Variants in TLN2 observed in about 807,000 individuals in gnomAD.
TLN2 encodes the protein talin-2.
In TLN2, 118 loss-of-function variants were observed where a neutral mutation model predicts 294.7. The observed-to-expected ratio is 0.40, with a 90% CI of 0.34 to 0.47. The LOEUF (loss-of-function observed/expected upper bound fraction) is 0.47. TLN2 is among the 20% of genes least tolerant of loss of function. The pLI is 0.84. For synonymous variants in TLN2, 1,431 were observed against 1,304.5 expected, an observed-to-expected ratio of 1.10 and a Z score of -2.09; for missense variants, 3,083 against 3,282.2, an observed-to-expected ratio of 0.94 and a Z score of 1.48.
chr15:62,794,518 T>C (rs1458765644), intron 46 of TLN2, among the ~76,000 whole-genome samples: 3 of 152,178 alleles, frequency 2.0e-5, no homozygotes, highest in Non-Finnish European at 2.9e-5. Context: ...CCCAGACACA[T>C]ATACAACCCT....
At chr15:62,548,284 T>A (rs2042105765) in intron 1 of TLN2, among the ~76,000 whole-genome samples, 1 of 152,068 alleles carries the variant, frequency 6.6e-6, no homozygotes, top group African/African-American at 2.4e-5. Context: ...AGATGGAGTA[T>A]GTTGGGGACA....
At chr15:62,449,488 C>T (rs968021130) in intron 1 of TLN2, among the ~76,000 whole-genome samples, 1 of 152,162 alleles carries the variant, frequency 6.6e-6, no homozygotes, top group Non-Finnish European at 1.5e-5. Context: ...CAGGACTGCT[C>T]TAGTGTTGAG....
At chr15:62,767,145 A>G (rs2063058089) in intron 41 of TLN2, among the ~76,000 whole-genome samples, 1 of 152,212 alleles carries the variant, frequency 6.6e-6, no homozygotes, top group Admixed American at 6.5e-5. Flanking sequence ...TACAGTAGCC[A>G]AAATCTTCTT....
chr15:62,596,983 C>G (rs1404023752), intron 2 of TLN2, among the ~76,000 whole-genome samples: 2 of 152,086 alleles, frequency 1.3e-5, no homozygotes, highest in African/African-American at 4.8e-5. Flanking sequence ...CTTTGTCAAT[C>G]TTAAAGGCTG....
chr15:62,488,481 C>A (rs2038531602), intron 1 of TLN2, among the ~76,000 whole-genome samples: 1 of 152,182 alleles, frequency 6.6e-6, no homozygotes, highest in African/African-American at 2.4e-5. Flanking sequence ...AATAAAAGTT[C>A]ATCCTTGCAG....
chr15:62,698,972 A>G (rs899453656), intron 16 of TLN2, 105 bp downstream of exon 16: 2 of 1,079,596 alleles, frequency 1.9e-6, no homozygotes, highest in Non-Finnish European at 2.7e-6. Context: ...CTCTAGGTGA[A>G]ATGGAAACCC....
Position 62,587,444 on chromosome 15 carries a change from C to T in TLN2, c.-237-2243C>T, listed in dbSNP as rs543300539. Among the ~76,000 whole-genome samples, 36 of 152,258 alleles carry T rather than the reference C, an allele frequency of 2.4e-4. No homozygotes were observed. In the South Asian group the frequency reaches 3.3e-3, roughly 14 times the overall value. ...ACATCTCTCTGGACATCCAAGAATA[C>T]ACACACACAAATGAATCATACTGCA... On this transcript the variant is annotated intron_variant, in intron 1 of 58. Transcript: ENST00000636159.
chr15:62,652,405 G>T (rs1217221126), intron 6 of TLN2, among the ~76,000 whole-genome samples: 1 of 152,102 alleles, frequency 6.6e-6, no homozygotes, highest in African/African-American at 2.4e-5. Flanking sequence ...TCAGCCTTCT[G>T]CCCATTGCTG....
rs921020536 is a variant in TLN2 at position 62,649,718 on chromosome 15, C to T, written c.137-366C>T. Among the ~76,000 whole-genome samples the T allele has an allele frequency of 5.0e-4, 76 of 152,214 alleles. 1 individual carries two copies. Among genetic ancestry groups the T allele is most frequent in the African/African-American group, 1.7e-3 (71 of 41,552 alleles). On this transcript the variant is annotated intron_variant, in intron 4 of 58. Transcript: ENST00000636159. ...GTGGTCACTTCCTTAGTTTCTCCCC[C>T]GCTGTCTTGTCATTCTCCATGGGAT...
intron 57 of TLN2, 29 bp downstream of exon 57, chr15:62,836,102 T>C (rs746042328): frequency 6.3e-7 from 1 of 1,585,204 alleles, no homozygotes; most frequent in Non-Finnish European, 8.6e-7. Flanking sequence ...GGTGGGAAAA[T>C]ACTCCTGTTG....
intron 2 of TLN2, among the ~76,000 whole-genome samples, chr15:62,604,826 G>A (rs566257108): frequency 6.6e-5 from 10 of 151,584 alleles, no homozygotes; most frequent in South Asian, 2.1e-4. Context: ...ATACACAGAC[G>A]CAAGCCTACC....
chr15:62,785,972 T>A (rs2064621989), intron 45 of TLN2, among the ~76,000 whole-genome samples: 1 of 152,258 alleles, frequency 6.6e-6, no homozygotes, highest in Admixed American at 6.5e-5. Flanking sequence ...TTGCAGCAGC[T>A]GACGTTTTCA....
intron 51 of TLN2, among the ~76,000 whole-genome samples, chr15:62,808,315 CTT>C (rs1157001354): frequency 6.6e-6 from 1 of 151,998 alleles, no homozygotes; most frequent in African/African-American, 2.4e-5. Context: ...ATATTGCTGA[CTT>C]TTTAATGACT....
intron 13 of TLN2, among the ~76,000 whole-genome samples, chr15:62,693,927 C>G (rs1196076797): frequency 1.4e-5 from 2 of 145,570 alleles, no homozygotes; most frequent in South Asian, 4.4e-4. Flanking sequence ...TTTAAAGGTC[C>G]TTGTATGAAG....
In TLN2 at chr15:62,727,089, G is replaced by A; in HGVS notation, c.3258G>A (p.Leu1086=). The A allele has an allele frequency of 6.2e-7, 1 of 1,613,976 alleles. No homozygotes were observed. The highest frequency in any genetic ancestry group is 1.7e-4 in the Middle Eastern group (1 of 6,058). ...SQLKPLPGET[L]EKCAQDLGST... is the part of the protein sequence containing the mutation. Reference sequence around the variant, plus strand: ...TCCCTCCTTGAATATTCTTGTAGCTGGAAAAATGTGCTCAGGACCTGGGAA... The same window carrying A: ...TCCCTCCTTGAATATTCTTGTAGCTAGAAAAATGTGCTCAGGACCTGGGAA... The change falls in exon 28 of 59, where the codon CTG becomes CTA. Residue 1086 remains leucine (L), a splice_region_variant and synonymous_variant. Coordinates refer to ENST00000636159, the MANE Select transcript of TLN2 (RefSeq NM_015059.3).
At chr15:62,629,863 C>T (rs2049618785) in intron 3 of TLN2, among the ~76,000 whole-genome samples, 1 of 152,052 alleles carries the variant, frequency 6.6e-6, no homozygotes, top group Non-Finnish European at 1.5e-5. Context: ...ATTGAGAGTC[C>T]TAATACATTG....
At chr15:62,734,470 A>C (rs2060899571) in intron 28 of TLN2, among the ~76,000 whole-genome samples, 1 of 152,212 alleles carries the variant, frequency 6.6e-6, no homozygotes, top group Non-Finnish European at 1.5e-5. Flanking sequence ...AGCCAGAGCC[A>C]GATGAGGTCT....
chr15:62,680,537 C>T (rs181993328), intron 11 of TLN2, among the ~76,000 whole-genome samples: 3 of 148,878 alleles, frequency 2.0e-5, no homozygotes, highest in Non-Finnish European at 4.4e-5. Context: ...AAAGAGATCA[C>T]ATGCAGAACA....
chr15:62,470,182 G>C (rs1047817140), intron 1 of TLN2, among the ~76,000 whole-genome samples: 3 of 152,124 alleles, frequency 2.0e-5, no homozygotes, highest in African/African-American at 7.2e-5. Flanking sequence ...CCCAAATTCT[G>C]AGGGCTCACT....
Sources: gnomAD v4.1 joint callset for allele counts (sites outside exome capture counted in the v4.1 genomes callset) on GRCh38, gnomAD v4.1.1 for gene constraint, MANE v1.5 for transcripts, NCBI Gene and HGNC (gene_info 2026-07-23, HGNC 2026-07-21) for gene names.